Variants in SLC16A3 observed in about 807,000 individuals in gnomAD.
SLC16A3 encodes solute carrier family 16 member 3, also known as monocarboxylate transporter 4.
A neutral mutation model predicts 25.0 loss-of-function variants in SLC16A3; 22 were observed. That is an observed-to-expected ratio of 0.88 (90% CI 0.63 to 1.26). The LOEUF (loss-of-function observed/expected upper bound fraction) is 1.26, where lower values mean the gene tolerates loss of function less well. SLC16A3 is among the 50% of genes most tolerant of loss of function. The pLI, the probability that SLC16A3 is intolerant of heterozygous loss-of-function variation, is 0.00. For missense variants in SLC16A3, 731 were observed against 666.6 expected (o/e 1.10, Z -1.06); for synonymous variants, 390 against 309.2 (o/e 1.26, Z -2.74).
At position 82,218,019 on chromosome 17, in the gene SLC16A3, A is replaced by G. The variant is rs188288624; in HGVS notation, c.-192A>G. ...CTTGGCTCTGGCCTGGTGAAGGCCAAGGGCACTTCAGAACCTCCCTGTGCC... is the reference window on the plus strand; with the variant it reads ...CTTGGCTCTGGCCTGGTGAAGGCCAGGGGCACTTCAGAACCTCCCTGTGCC... On this transcript the variant is annotated 5_prime_UTR_variant, in exon 1 of 5. Coordinates refer to the SLC16A3 transcript ENST00000580098. 9.6e-3 allele frequency among the ~76,000 whole-genome samples: 1,460 copies of G among 152,334 alleles called. 15 individuals are homozygous for G. Among genetic ancestry groups the G allele is most frequent in the African/African-American group, 0.034 (1,402 of 41,584 alleles).
intron 1 of SLC16A3, among the ~76,000 whole-genome samples, chr17:82,219,887 G>A (rs1661736141): frequency 1.3e-5 from 2 of 152,102 alleles, no homozygotes; most frequent in South Asian, 4.1e-4. Context: ...GCTCCAAGGA[G>A]GGCAGAGGAA....
intron 1 of SLC16A3, among the ~76,000 whole-genome samples, chr17:82,222,232 G>A (rs1374740169): frequency 1.1e-5 from 1 of 90,024 alleles, no homozygotes; most frequent in East Asian, 5.2e-4. Context: ...CCCCAACTCC[G>A]CTCCCACGTT....
At chr17:82,238,071 G>C (rs1864196441) in intron 4 of SLC16A3, among the ~76,000 whole-genome samples, 178 bp downstream of exon 4, 1 of 152,214 alleles carries the variant, frequency 6.6e-6, no homozygotes, top group Admixed American at 6.5e-5. Context: ...TCTCCATTAG[G>C]AGTGGGGTGC....
chr17:82,217,943 G>T (rs146847805), exon 1 of SLC16A3, among the ~76,000 whole-genome samples: 57 of 152,316 alleles, frequency 3.7e-4, no homozygotes, highest in South Asian at 1.2e-3. Context: ...CACTCCCCAG[G>T]CCCCCGGCCC....
chr17:82,237,465 C>T lies in SLC16A3; in HGVS notation c.695C>T (p.Ala232Val). The T allele has an allele frequency of 6.2e-7, 1 of 1,607,132 alleles. No individual in the cohort carries two copies. Among genetic ancestry groups the T allele is most frequent in the Non-Finnish European group, 8.5e-7 (1 of 1,178,598 alleles). Residue 232 changes from alanine (A) to valine (V), a missense_variant, in exon 4 of 5, where the codon GCC (alanine) becomes GTC (valine). Ala to Val is a moderately conservative substitution (Grantham distance 64). Transcript: ENST00000582743. ...VFRDRGFVLY[A>V]VAASVMVLGL... ...CGGGACCGCGGCTTTGTGCTTTACG[C>T]CGTGGCCGCCTCGGTCATGGTGCTG...
chr17:82,227,573 AGCACCACCTGCCCTGGGCGGG>A (rs2050431975), upstream of SLC16A3, among the ~76,000 whole-genome samples: 1 of 142,336 alleles, frequency 7.0e-6, no homozygotes, highest in Non-Finnish European at 1.6e-5. Context: ...GGAAGATGGG[AGCACCACCTGCCCTGGGCGGG>A]AGCACCACCT....
chr17:82,220,933 C>G, intron 1 of SLC16A3, among the ~76,000 whole-genome samples: 1 of 152,138 alleles, frequency 6.6e-6, no homozygotes, highest in East Asian at 1.9e-4. Context: ...AAGCAATTCT[C>G]GTGCCTCAGC....
chr17:82,227,572 G>A (rs117995894), upstream of SLC16A3, among the ~76,000 whole-genome samples: 3,393 of 143,558 alleles, frequency 0.024, 68 homozygotes, highest in South Asian at 0.072. Context: ...AGGAAGATGG[G>A]AGCACCACCT....
intron 1 of SLC16A3, among the ~76,000 whole-genome samples, chr17:82,220,103 C>T (rs1207943555): frequency 1.3e-5 from 2 of 152,252 alleles, no homozygotes; most frequent in East Asian, 3.8e-4. Flanking sequence ...AGTGTCCCCA[C>T]CCATCCAGCC....
Position 82,237,507 on chromosome 17 carries a change from C to A in SLC16A3, c.737C>A (p.Pro246His). The change falls in exon 4 of 5, where the codon CCC becomes CAC. Residue 246 changes from proline (P) to histidine (H), a missense_variant. Pro to His is a moderately conservative substitution (Grantham distance 77). Transcript: ENST00000582743. Reference protein sequence around the residue: ...SVMVLGLFVPPVFVVSYAKDL... With the variant: ...SVMVLGLFVPHVFVVSYAKDL... Reference sequence around the variant, plus strand: ...ATGGTGCTGGGGCTCTTCGTCCCGCCCGTGTTCGTGGTGAGCTACGCCAAG... The same window carrying A: ...ATGGTGCTGGGGCTCTTCGTCCCGCACGTGTTCGTGGTGAGCTACGCCAAG... The A allele has an allele frequency of 6.2e-7, 1 of 1,611,616 alleles. No homozygotes were observed.
intron 2 of SLC16A3, 88 bp downstream of exon 2, chr17:82,236,319 C>A: frequency 8.3e-7 from 1 of 1,198,242 alleles, no homozygotes; most frequent in Non-Finnish European, 1.2e-6. Context: ...GCAACAGGGC[C>A]TTCCGCCTGC....
chr17:82,236,778 G>A lies in SLC16A3; in HGVS notation c.273G>A (p.Met91Ile). 1 of 1,608,968 alleles carries A rather than the reference G, an allele frequency of 6.2e-7. No individual in the cohort carries two copies. The highest frequency in any genetic ancestry group is 8.5e-7 in the Non-Finnish European group (1 of 1,179,842). ...ACCGCTTTGGCTGCCGGCCCGTCAT[G>A]CTTGTGGGGGGTCTCTTTGCGTCGC... The part of the protein sequence containing the change: ...CVNRFGCRPV[M>I]LVGGLFASLG... The change falls in exon 3 of 5, where the codon ATG becomes ATA. Residue 91 changes from methionine (M) to isoleucine (I), a missense_variant. Physicochemically the swap from Met to Ile is conservative, Grantham distance 10. Coordinates refer to ENST00000582743, the MANE Select transcript of SLC16A3 (RefSeq NM_004207.4).
At chr17:82,233,313 T>G (rs7502052) in intron 1 of SLC16A3, among the ~76,000 whole-genome samples, 34,851 of 152,020 alleles carry the variant, frequency 0.23, 4,192 homozygotes, top group African/African-American at 0.27. Context: ...TCCAAATGCC[T>G]CATCTTGACA....
chr17:82,221,742 A>G (rs2147106471), intron 1 of SLC16A3, among the ~76,000 whole-genome samples: 1 of 152,278 alleles, frequency 6.6e-6, no homozygotes, highest in Non-Finnish European at 1.5e-5. Context: ...GCACGGCTTT[A>G]ATGAAAAACA....
intron 1 of SLC16A3, among the ~76,000 whole-genome samples, chr17:82,221,060 C>T (rs902094047): frequency 1.3e-5 from 2 of 151,966 alleles, no homozygotes; most frequent in African/African-American, 4.8e-5. Flanking sequence ...CTCAAGTGAT[C>T]TGCCCACCTC....
In SLC16A3 at chr17:82,238,854, G is replaced by A. The variant is rs918438208; in HGVS notation, c.1276G>A (p.Glu426Lys). Residue 426 changes from glutamate to lysine, a missense_variant, in exon 5 of 5, where the codon GAG becomes AAG. Transcript: ENST00000582743. ...EPQPEVAAAE[E>K]EKLHKPPADS... ...ACAGCCTGAGGTGGCGGCCGCGGAGGAGGAGAAGCTCCACAAGCCTCCTGC... is the reference window on the plus strand; with the variant it reads ...ACAGCCTGAGGTGGCGGCCGCGGAGAAGGAGAAGCTCCACAAGCCTCCTGC... 3 of 1,612,440 alleles carry A rather than the reference G, an allele frequency of 1.9e-6. No individual in the cohort carries two copies. The highest frequency in any genetic ancestry group is 2.5e-6 in the Non-Finnish European group (3 of 1,179,664).
At position 82,237,740 on chromosome 17, in the gene SLC16A3, T is replaced by G; in HGVS notation, c.970T>G (p.Phe324Val). ...TAGDYGGLVV[F>V]CIFFGISYGM... is the part of the protein sequence containing the mutation. Reference sequence around the variant, plus strand: ...GGGCGACTACGGCGGCCTCGTGGTCTTCTGCATCTTCTTTGGCATCTCCTA... The same window carrying G: ...GGGCGACTACGGCGGCCTCGTGGTCGTCTGCATCTTCTTTGGCATCTCCTA... Residue 324 changes from phenylalanine (F) to valine (V), a missense_variant, in exon 4 of 5, where the codon TTC (phenylalanine) becomes GTC (valine). Phe to Val is a conservative substitution (Grantham distance 50). Coordinates refer to ENST00000582743, the MANE Select transcript of SLC16A3 (RefSeq NM_004207.4). The G allele has an allele frequency of 6.2e-7, 1 of 1,612,142 alleles. No homozygotes were observed. The highest frequency in any genetic ancestry group is 1.7e-5 in the Admixed American group (1 of 60,024).
chr17:82,236,280 A>G (rs1443364336), intron 2 of SLC16A3, 49 bp downstream of exon 2: 1 of 1,551,318 alleles, frequency 6.4e-7, no homozygotes, highest in South Asian at 1.1e-5. Context: ...CTGCTGGCGG[A>G]TCCTGCTGGG....
At position 82,240,050 on chromosome 17, in the gene SLC16A3, T is replaced by C. The variant is rs112902236; in HGVS notation, c.*1074T>C. On this transcript the variant is annotated 3_prime_UTR_variant, in exon 5 of 5. Coordinates refer to ENST00000582743, the MANE Select transcript of SLC16A3 (RefSeq NM_004207.4). ...GCCGCGTGCAGCCGGAGAGATGCCA[T>C]GTCCCTGCTCCTCTGCAATGAAAAG... 4.3e-4 allele frequency: 535 copies of C among 1,233,816 alleles called. 2 individuals carry two copies. In the African/African-American group the frequency reaches 7.3e-3, roughly 17 times the overall value. The allele number at this position is 1,233,816 out of a possible 1,614,324, so 76.4% of individuals were successfully genotyped here. A position where few individuals can be genotyped will look rare whatever the true frequency, so the allele number is the denominator to read the frequency against.
Sources: allele counts gnomAD v4.1 joint callset (sites outside exome capture counted in the v4.1 genomes callset), GRCh38; gene constraint gnomAD v4.1.1; transcripts MANE v1.5; gene names NCBI Gene and HGNC (gene_info 2026-07-23, HGNC 2026-07-21).